PTPRK: variants seen among roughly 807,000 people sequenced by gnomAD.
The protein encoded by PTPRK is receptor-type tyrosine-protein phosphatase kappa.
In PTPRK, 75 loss-of-function variants were observed where a neutral mutation model predicts 178.0. The observed-to-expected ratio is 0.42, with a 90% CI of 0.35 to 0.51. The LOEUF is 0.51. PTPRK is among the 20% of genes least tolerant of loss of function. The pLI, the probability that PTPRK is intolerant of heterozygous loss-of-function variation, is 0.02. For missense variants in PTPRK, 1,441 were observed against 1,797.8 expected (o/e 0.80, Z 3.59); for synonymous variants, 637 against 620.6 (o/e 1.03, Z -0.39).
At chr6:128,245,096 T>G (rs377029017) in intron 3 of PTPRK, among the ~76,000 whole-genome samples, 1 of 152,166 alleles carries the variant, frequency 6.6e-6, no homozygotes, top group South Asian at 2.1e-4. Context: ...ACACATAAAT[T>G]GATTTAATCC....
rs140565374 is a variant in PTPRK, at chr6:128,495,442, G to C, written c.100+24817C>G. Among the ~76,000 whole-genome samples the C allele has an allele frequency of 8.6e-5, 13 of 151,972 alleles. 1 individual carries two copies. The East Asian group carries it at 2.5e-3, about 29-fold the overall frequency. On this transcript the variant is annotated intron_variant, in intron 1 of 29. Coordinates refer to ENST00000368226, the MANE Select transcript of PTPRK (RefSeq NM_002844.4). ...TATGCAAATTTGTTTTTAAATCCTC[G>C]TGGAGGCAAGAGCCTAAAAAAAAAA...
At chr6:128,259,002 T>C (rs745783316) in intron 3 of PTPRK, among the ~76,000 whole-genome samples, 1 of 152,150 alleles carries the variant, frequency 6.6e-6, no homozygotes, top group East Asian at 1.9e-4. Context: ...ATATCTGACA[T>C]GTGTTTTTAA....
chr6:128,373,098 C>A (rs1161382578), intron 2 of PTPRK, among the ~76,000 whole-genome samples: 2 of 152,026 alleles, frequency 1.3e-5, no homozygotes, highest in African/African-American at 4.8e-5. Context: ...ATGTAAGGGC[C>A]TATCAAAGAC....
intron 7 of PTPRK, among the ~76,000 whole-genome samples, chr6:128,169,378 A>G (rs1433045142): frequency 6.6e-6 from 1 of 152,060 alleles, no homozygotes; most frequent in Non-Finnish European, 1.5e-5. Flanking sequence ...CCTATTTTTA[A>G]AAGAAAAAAA....
intron 1 of PTPRK, among the ~76,000 whole-genome samples, chr6:128,515,329 TTTG>T (rs1216291215): frequency 1.3e-5 from 2 of 152,240 alleles, no homozygotes; most frequent in African/African-American, 4.8e-5. Context: ...ATTCACTTAC[TTTG>T]TTATCAAATA....
intron 7 of PTPRK, among the ~76,000 whole-genome samples, chr6:128,148,980 T>C (rs1377126833): frequency 1.3e-5 from 2 of 151,978 alleles, no homozygotes; most frequent in African/African-American, 4.8e-5. Context: ...TAATTACCTG[T>C]TTCCATGATT....
At chr6:128,476,461 G>A (rs1851385087) in intron 1 of PTPRK, among the ~76,000 whole-genome samples, 1 of 151,996 alleles carries the variant, frequency 6.6e-6, no homozygotes, top group Non-Finnish European at 1.5e-5. Flanking sequence ...AGAATGTGTT[G>A]TGTGCTAGAA....
At chr6:127,982,363 G>C (rs1365001800) in intron 24 of PTPRK, among the ~76,000 whole-genome samples, 1 of 151,828 alleles carries the variant, frequency 6.6e-6, no homozygotes, top group Non-Finnish European at 1.5e-5. Flanking sequence ...AGCTCCGCCT[G>C]CCAGGTTCAC....
intron 6 of PTPRK, among the ~76,000 whole-genome samples, chr6:128,201,180 T>C (rs1027942989): frequency 1.2e-4 from 19 of 152,220 alleles, no homozygotes; most frequent in Admixed American, 1.1e-3. Flanking sequence ...AATCTCATGA[T>C]ATTATTAAAG....
In PTPRK at chr6:128,520,331, G is replaced by A. The variant is rs1383936583; in HGVS notation, c.28C>T (p.Pro10Ser). The A allele has an allele frequency of 3.7e-6, 6 of 1,609,550 alleles. No individual in the cohort carries two copies. In the Admixed American group the frequency reaches 6.7e-5, roughly 18 times the overall value. MDTTAAAAL[P>S]AFVALLLLSP... ...AGGAGCAAGAGCGCCACAAAAGCAG[G>A]CAGCGCCGCCGCCGCAGTCGTATCC... is the stretch of plus-strand genomic sequence containing the variant. Residue 10 changes from proline to serine, a missense_variant, in exon 1 of 30, where the codon CCT becomes TCT. Physicochemically the swap from Pro to Ser is moderately conservative, Grantham distance 74. Transcript: ENST00000368226.
chr6:128,243,571 A>G (rs1475504045), intron 3 of PTPRK, among the ~76,000 whole-genome samples: 1 of 151,716 alleles, frequency 6.6e-6, no homozygotes, highest in African/African-American at 2.4e-5. Flanking sequence ...CTATAGTATC[A>G]GCTACTTCAC....
chr6:127,991,394 A>T lies in PTPRK; in HGVS notation c.2882-3T>A. 1 of 1,559,814 alleles carries T rather than the reference A, an allele frequency of 6.4e-7. No homozygotes were observed. Among genetic ancestry groups the T allele is most frequent in the East Asian group, 2.3e-5 (1 of 42,682 alleles). ...ATACACTGTTTCATGAACGGGACCT[A>T]CAAAGAAATTAATTTGAATATTATG... On this transcript the variant is annotated splice_polypyrimidine_tract_variant and splice_region_variant and intron_variant, in intron 19 of 29. Coordinates refer to ENST00000368226, the MANE Select transcript of PTPRK (RefSeq NM_002844.4).
At chr6:128,358,131 A>G (rs979935691) in intron 2 of PTPRK, among the ~76,000 whole-genome samples, 1 of 152,224 alleles carries the variant, frequency 6.6e-6, no homozygotes, top group Non-Finnish European at 1.5e-5. Flanking sequence ...CTCCTTCATA[A>G]GTTAGAGTGG....
chr6:128,495,369 G>C (rs1036504464), intron 1 of PTPRK, among the ~76,000 whole-genome samples: 1 of 151,994 alleles, frequency 6.6e-6, no homozygotes, highest in Admixed American at 6.6e-5. Flanking sequence ...AGAATATATA[G>C]CCATGTTGCC....
At chr6:127,985,949 G>A in intron 21 of PTPRK, 74 bp from the exon 22 acceptor site, 1 of 1,474,764 alleles carries the variant, frequency 6.8e-7, no homozygotes, top group South Asian at 1.2e-5. Flanking sequence ...ACACAATTAT[G>A]GGTACAGACC....
chr6:128,483,194 C>CT (rs1280545794), intron 1 of PTPRK, among the ~76,000 whole-genome samples: 1 of 152,102 alleles, frequency 6.6e-6, no homozygotes, highest in Admixed American at 6.5e-5. Context: ...TTTTCTACAA[C>CT]TTTTTTTATC....
At chr6:128,097,279 C>T (rs1788072886) in intron 7 of PTPRK, among the ~76,000 whole-genome samples, 1 of 152,150 alleles carries the variant, frequency 6.6e-6, no homozygotes, top group Non-Finnish European at 1.5e-5. Flanking sequence ...CTCAGCTCTC[C>T]TGCAGAATCA....
chr6:128,061,931 T>C (rs1780908173), intron 13 of PTPRK: 1 of 152,214 alleles, frequency 6.6e-6, no homozygotes, highest in African/African-American at 2.4e-5. Flanking sequence ...ACATTTTAAA[T>C]GTACAGTTGG....
At chr6:128,068,647 A>G (rs1329193578) in intron 11 of PTPRK, among the ~76,000 whole-genome samples, 6 of 151,920 alleles carry the variant, frequency 3.9e-5, no homozygotes, top group African/African-American at 9.7e-5. Context: ...AAGCTGGTAT[A>G]TTAACAATAT....
Sources: allele counts gnomAD v4.1 joint callset (sites outside exome capture counted in the v4.1 genomes callset), GRCh38; gene constraint gnomAD v4.1.1; transcripts MANE v1.5; gene names NCBI Gene and HGNC (gene_info 2026-07-23, HGNC 2026-07-21).